PPP2R5E: variants seen among roughly 807,000 people sequenced by gnomAD.
PPP2R5E encodes the protein serine/threonine-protein phosphatase 2A 56 kDa regulatory subunit epsilon isoform.
Under a neutral mutation model 65.3 loss-of-function variants are expected in PPP2R5E, and 4 were observed. The ratio of observed to expected loss-of-function variants is 0.06; its 90% CI spans 0.03 to 0.14. The LOEUF (loss-of-function observed/expected upper bound fraction) is 0.14. PPP2R5E is among the 10% of genes least tolerant of loss of function. PPP2R5E has a pLI of 1.00. For missense variants in PPP2R5E, 274 were observed against 556.1 expected (o/e 0.49, Z 5.10); for synonymous variants, 183 against 187.4 (o/e 0.98, Z 0.19).
intron 2 of PPP2R5E, among the ~76,000 whole-genome samples, chr14:63,533,940 C>CT (rs1403702150): frequency 2.0e-5 from 3 of 152,244 alleles, no homozygotes; most frequent in African/African-American, 7.2e-5. Context: ...GAGCGAGACT[C>CT]TGTCTCAGAA....
At chr14:63,527,478 T>C (rs1893226317) in intron 2 of PPP2R5E, among the ~76,000 whole-genome samples, 1 of 152,236 alleles carries the variant, frequency 6.6e-6, no homozygotes, top group African/African-American at 2.4e-5. Flanking sequence ...ACATTTGCCA[T>C]TGTGTACTTT....
chr14:63,419,201 G>A (rs1164913834), intron 4 of PPP2R5E, among the ~76,000 whole-genome samples: 1 of 152,130 alleles, frequency 6.6e-6, no homozygotes, highest in Non-Finnish European at 1.5e-5. Flanking sequence ...TGCAGGAGCA[G>A]TCAATTAGCT....
At chr14:63,523,751 A>AG (rs1273684884) in intron 2 of PPP2R5E, among the ~76,000 whole-genome samples, 77 of 152,216 alleles carry the variant, frequency 5.1e-4, no homozygotes, top group African/African-American at 1.8e-3. Context: ...GCTAAAAAAA[A>AG]AAAAAAAATT....
At chr14:63,506,336 A>G (rs1341725430) in intron 2 of PPP2R5E, among the ~76,000 whole-genome samples, 1 of 152,142 alleles carries the variant, frequency 6.6e-6, no homozygotes, top group Non-Finnish European at 1.5e-5. Context: ...CTGTAGTCCC[A>G]GCTACTCAGG....
intron 2 of PPP2R5E, among the ~76,000 whole-genome samples, chr14:63,466,604 G>A (rs1889813672): frequency 6.6e-6 from 1 of 152,166 alleles, no homozygotes; most frequent in Non-Finnish European, 1.5e-5. Flanking sequence ...AGTCCACATA[G>A]AACAGTTGAG....
intron 2 of PPP2R5E, among the ~76,000 whole-genome samples, chr14:63,523,363 A>C (rs1337554743): frequency 6.6e-6 from 1 of 152,108 alleles, no homozygotes; most frequent in African/African-American, 2.4e-5. Context: ...GTTCTGTACT[A>C]AGAAAAATTC....
intron 2 of PPP2R5E, among the ~76,000 whole-genome samples, chr14:63,533,283 C>T (rs1315211060): frequency 6.6e-6 from 1 of 152,184 alleles, no homozygotes; most frequent in Non-Finnish European, 1.5e-5. Flanking sequence ...CGAAAACGGC[C>T]GGGCACGGTG....
rs771494960 is a variant in PPP2R5E, at chr14:63,539,560, A to G, written c.126T>C (p.Pro42=). ...SSSQFRSQGK[P]IELTPLPLLK... is the part of the protein sequence containing the mutation. The stretch of plus-strand genomic sequence containing the variant: ...GCAGCGGCAGAGGTGTTAACTCAAT[A>G]GGCTTGCCTTGAGACCTAAACTGTG... The change falls in exon 2 of 14, where the codon CCT becomes CCC. Residue 42 remains proline (P), a synonymous_variant. Coordinates refer to ENST00000337537, the MANE Select transcript of PPP2R5E (RefSeq NM_006246.5). The G allele has an allele frequency of 6.2e-7, 1 of 1,614,066 alleles. No individual in the cohort carries two copies. The highest frequency in any genetic ancestry group is 1.1e-5 in the South Asian group (1 of 91,068).
intron 3 of PPP2R5E, among the ~76,000 whole-genome samples, chr14:63,428,697 A>G (rs1666724241): frequency 6.6e-6 from 1 of 152,254 alleles, no homozygotes; most frequent in South Asian, 2.1e-4. Flanking sequence ...AAGAGACTAC[A>G]AAGTTTCCAA....
intron 2 of PPP2R5E, among the ~76,000 whole-genome samples, chr14:63,519,124 G>A (rs902536457): frequency 6.6e-6 from 1 of 152,078 alleles, no homozygotes; most frequent in African/African-American, 2.4e-5. Context: ...TGGGGCAGGA[G>A]AATCGCTTGA....
intron 2 of PPP2R5E, among the ~76,000 whole-genome samples, chr14:63,467,225 A>AAAAAC (rs1889869413): frequency 7.1e-6 from 1 of 140,916 alleles, no homozygotes; most frequent in Non-Finnish European, 1.5e-5. Flanking sequence ...TCCGTCTCAA[A>AAAAAC]AAAAACAAAC....
At chr14:63,377,115 C>T (rs1461467351) in intron 13 of PPP2R5E, among the ~76,000 whole-genome samples, 2 of 151,454 alleles carry the variant, frequency 1.3e-5, no homozygotes, top group African/African-American at 4.9e-5. Context: ...CACCACTGCA[C>T]TCCAGTCTGG....
At chr14:63,446,810 C>T (rs1594884706) in intron 3 of PPP2R5E, among the ~76,000 whole-genome samples, 3 of 109,994 alleles carry the variant, frequency 2.7e-5, no homozygotes, top group African/African-American at 1.1e-4. Context: ...GCCTGGGGGA[C>T]AGAGTGAGAC....
At chr14:63,480,602 T>G (rs1019180638) in intron 2 of PPP2R5E, among the ~76,000 whole-genome samples, 1 of 152,140 alleles carries the variant, frequency 6.6e-6, no homozygotes, top group Non-Finnish European at 1.5e-5. Context: ...CAAGCCACCA[T>G]GCCCTGCTAT....
rs1446463144 is a variant in PPP2R5E, at chr14:63,389,726, C to T, written c.960G>A (p.Met320Ile). The T allele has an allele frequency of 1.2e-6, 2 of 1,604,522 alleles. No individual in the cohort carries two copies. Among genetic ancestry groups the T allele is most frequent in the Non-Finnish European group, 1.7e-6 (2 of 1,176,208 alleles). ...ATATTTCTTCCAGTTCCCCAAGGAA[C>T]ATGACCTGTAAGTACAAGCAAAATA... is the stretch of plus-strand genomic sequence containing the variant. ...WPKTCSQKEVMFLGELEEILD... is the reference protein window; with the variant it reads ...WPKTCSQKEVIFLGELEEILD... The change falls in exon 11 of 14, where the codon ATG becomes ATA. Residue 320 changes from methionine (M) to isoleucine (I), a missense_variant. Physicochemically the swap from Met to Ile is conservative, Grantham distance 10. This residue lies in a region of PPP2R5E where 129 missense variants were observed against 254.9 expected (regional missense o/e 0.51). Coordinates refer to ENST00000337537, the MANE Select transcript of PPP2R5E (RefSeq NM_006246.5).
At chr14:63,430,357 ACATACATACATACATG>A (rs1887576858) in intron 3 of PPP2R5E, among the ~76,000 whole-genome samples, 1 of 128,182 alleles carries the variant, frequency 7.8e-6, no homozygotes, top group African/African-American at 3.8e-5. Context: ...ATACATACAT[ACATACATACATACATG>A]CATGCATACA....
At chr14:63,422,157 C>T in intron 3 of PPP2R5E, 63 bp from the exon 4 acceptor site, 1 of 1,367,006 alleles carries the variant, frequency 7.3e-7, no homozygotes, top group Non-Finnish European at 1.0e-6. Flanking sequence ...ACACAAGGTC[C>T]TTGGAGCCAA....
At chr14:63,397,215 A>G (rs1885446730) in intron 5 of PPP2R5E, among the ~76,000 whole-genome samples, 2 of 152,168 alleles carry the variant, frequency 1.3e-5, no homozygotes, top group South Asian at 4.1e-4. Context: ...CAGTTAAAAT[A>G]AGCTGACTGC....
intron 3 of PPP2R5E, among the ~76,000 whole-genome samples, chr14:63,424,179 T>A (rs753524432): frequency 1.3e-5 from 2 of 152,142 alleles, no homozygotes; most frequent in South Asian, 4.1e-4. Flanking sequence ...AAAGAACTAA[T>A]TAAGGACAAG....
Sources: allele counts gnomAD v4.1 joint callset (sites outside exome capture counted in the v4.1 genomes callset), GRCh38; gene constraint gnomAD v4.1.1; regional missense constraint gnomAD v4.1.1; transcripts MANE v1.5; gene names NCBI Gene and HGNC (gene_info 2026-07-23, HGNC 2026-07-21).